The following ANKLE1 variants were observed in gnomAD, a reference collection of about 807,000 sequenced individuals.
ANKLE1 encodes the protein structure-specific endonuclease ANKLE1.
Under a neutral mutation model 56.2 loss-of-function variants are expected in ANKLE1, and 59 were observed. The observed-to-expected ratio is 1.05, with a 90% CI of 0.85 to 1.30. ANKLE1 has a LOEUF of 1.30. Ranked by LOEUF, ANKLE1 falls within the 50% of genes most tolerant of loss-of-function variation. The pLI is 0.00. For synonymous variants in ANKLE1, 341 were observed against 352.9 expected (o/e 0.97, Z 0.38); for missense variants, 771 against 816.1 (o/e 0.94, Z 0.67).
At chr19:17,284,486 C>T (rs776899468) in intron 6 of ANKLE1, among the ~76,000 whole-genome samples, 4 of 151,890 alleles carry the variant, frequency 2.6e-5, no homozygotes, top group Non-Finnish European at 5.9e-5. Context: ...CAGGTTCAAA[C>T]AATCCTCTTG....
chr19:17,286,366 T>C lies in ANKLE1; in HGVS notation c.1676-14T>C, dbSNP rs762615752. The C allele has an allele frequency of 1.3e-6, 2 of 1,540,712 alleles. No individual in the cohort carries two copies. The highest frequency in any genetic ancestry group is 3.8e-5 in the Admixed American group (2 of 52,080). On this transcript the variant is annotated splice_polypyrimidine_tract_variant and intron_variant, in intron 8 of 8. Coordinates refer to ENST00000404085, the MANE Select transcript of ANKLE1 (RefSeq NM_152363.6). ...CCATGGCTGCCCCTGTGACCCCACA[T>C]CCAATTTCTCCAGGGATCCAGACGC...
Position 17,282,086 on chromosome 19 carries a change from C to G in ANKLE1, c.92C>G (p.Ala31Gly), listed in dbSNP as rs556984905. Residue 31 changes from alanine to glycine, a missense_variant, in exon 2 of 9, where the codon GCG (alanine) becomes GGG (glycine). Ala to Gly is a moderately conservative substitution (Grantham distance 60). Transcript: ENST00000404085. ...GTAGAGGAGCTGCTGCGCTGCGGCG[C>G]GGACCCTAATTTGGTGCTAGAGGAC... Reference protein sequence around the residue: ...WAVEELLRCGADPNLVLEDGA... With the variant: ...WAVEELLRCGGDPNLVLEDGA... The G allele has an allele frequency of 3.2e-6, 5 of 1,540,546 alleles. No individual in the cohort carries two copies. The East Asian group carries it at 1.2e-4, about 38-fold the overall frequency.
rs1271007526 is a variant in ANKLE1, at chr19:17,286,530, A to G, written c.1826A>G (p.Gln609Arg). ...GAAGGCGAGCGACAGCTTCATCCCC[A>G]GGACATCCAGGCCCGGGGCTGAGTG... ...LAEGERQLHP[Q>R]DIQARG The change falls in exon 9 of 9, where the codon CAG becomes CGG. Residue 609 changes from glutamine (Q) to arginine (R), a missense_variant. Physicochemically the swap from Gln to Arg is conservative, Grantham distance 43. Transcript: ENST00000404085. 2 of 1,609,272 alleles carry G rather than the reference A, an allele frequency of 1.2e-6. No homozygotes were observed. The highest frequency in any genetic ancestry group is 1.7e-6 in the Non-Finnish European group (2 of 1,178,368).
At chr19:17,284,940 T>C (rs568784125) in intron 6 of ANKLE1, among the ~76,000 whole-genome samples, 2 of 151,936 alleles carry the variant, frequency 1.3e-5, no homozygotes, top group East Asian at 2.0e-4. Context: ...CCTCCTGCCT[T>C]GGCCTCCCAA....
intron 6 of ANKLE1, 109 bp from the exon 7 acceptor site, chr19:17,285,322 G>A (rs2074019127): frequency 7.5e-7 from 1 of 1,326,280 alleles, no homozygotes; most frequent in Non-Finnish European, 1.0e-6. Context: ...CTCTGATCCT[G>A]TAATCAGGAG....
At chr19:17,285,353 A>G (rs2074019385) in intron 6 of ANKLE1, 78 bp from the exon 7 acceptor site, 1 of 1,563,970 alleles carries the variant, frequency 6.4e-7, no homozygotes, top group South Asian at 1.1e-5. Context: ...TGGGTTCAAG[A>G]TATGTTGTGA....
In ANKLE1 at chr19:17,282,865, ACGGACTC is replaced by A; in HGVS notation, c.327_333del (p.Leu110ArgfsTer57). The A allele has an allele frequency of 6.3e-7, 1 of 1,587,826 alleles. No individual in the cohort carries two copies. The highest frequency in any genetic ancestry group is 8.5e-7 in the Non-Finnish European group (1 of 1,173,332). ...CCCCTGCTGACCGCGCCCCTGTAGGACGGACTCCGGCCGCTGGACCTGGCCCTGCAGC... is the reference window on the plus strand; with the variant it reads ...CCCCTGCTGACCGCGCCCCTGTAGGACGGCCGCTGGACCTGGCCCTGCAGC... On this transcript the variant is annotated frameshift_variant and splice_region_variant, in exon 4 of 9. Transcript: ENST00000404085. LOFTEE classifies it high-confidence loss of function.
chr19:17,283,152 T>C, intron 4 of ANKLE1, 73 bp from the exon 5 acceptor site: 1 of 1,555,194 alleles, frequency 6.4e-7, no homozygotes, highest in Non-Finnish European at 8.7e-7. Flanking sequence ...GATCTCCTTT[T>C]TCTGTTTGAT....
At position 17,286,721 on chromosome 19, in the gene ANKLE1, A is replaced by C; in HGVS notation, c.*169A>C. 1 of 1,456,112 alleles carries C rather than the reference A, an allele frequency of 6.9e-7. No homozygotes were observed. The highest frequency in any genetic ancestry group is 2.6e-5 in the East Asian group (1 of 38,702). 90.2% of individuals were successfully genotyped at this position (1,456,112 alleles called of 1,614,324 possible). A position where few individuals can be genotyped will look rare whatever the true frequency, so the allele number is the denominator to read the frequency against. On this transcript the variant is annotated 3_prime_UTR_variant, in exon 9 of 9. Coordinates refer to ENST00000404085, the MANE Select transcript of ANKLE1 (RefSeq NM_152363.6). ...GTGTGTGTGTGTGTGTGTAGGGAGC[A>C]CCCAGGCAGATCTCCCCCAGGCTGA...
At position 17,283,699 on chromosome 19, in the gene ANKLE1, C is replaced by A. The variant is rs1462194356; in HGVS notation, c.935C>A (p.Pro312His). 4 of 1,613,548 alleles carry A rather than the reference C, an allele frequency of 2.5e-6. No individual in the cohort carries two copies. Among genetic ancestry groups the A allele is most frequent in the Non-Finnish European group, 2.5e-6 (3 of 1,179,896 alleles). Residue 312 changes from proline (P) to histidine (H), a missense_variant, in exon 5 of 9, where the codon CCT (proline) becomes CAT (histidine). Physicochemically the swap from Pro to His is moderately conservative, Grantham distance 77. Coordinates refer to ENST00000404085, the MANE Select transcript of ANKLE1 (RefSeq NM_152363.6). The part of the protein sequence containing the change: ...PAHSPPRTPT[P>H]GASDCHCLWE... Reference sequence around the variant, plus strand: ...CATAGCCCCCCACGGACACCAACCCCTGGAGCTTCTGACTGCCACTGCCTG... The same window carrying A: ...CATAGCCCCCCACGGACACCAACCCATGGAGCTTCTGACTGCCACTGCCTG...
intron 6 of ANKLE1, among the ~76,000 whole-genome samples, chr19:17,284,614 C>T (rs996917839): frequency 6.6e-6 from 1 of 150,956 alleles, no homozygotes; most frequent in Non-Finnish European, 1.5e-5. Context: ...GAACTCCTGA[C>T]CTCAGGTAAT....
chr19:17,283,982 A>G lies in ANKLE1; in HGVS notation c.1198+20A>G, dbSNP rs139466646. ...CTCCTGGTTAGTCTTCCCAGGGCAC[A>G]TGGAGTCCAGGGAGCCTCCAGGAAT... On this transcript the variant is annotated intron_variant, in intron 5 of 8. Transcript: ENST00000404085. The G allele has an allele frequency of 3.1e-6, 5 of 1,595,074 alleles. No homozygotes were observed. The highest frequency in any genetic ancestry group is 2.6e-6 in the Non-Finnish European group (3 of 1,168,156).
chr19:17,284,524 C>G (rs1280270506), intron 6 of ANKLE1, among the ~76,000 whole-genome samples: 2 of 151,990 alleles, frequency 1.3e-5, no homozygotes, highest in East Asian at 1.9e-4. Context: ...GCTGGGATTA[C>G]AAGCACCTGC....
chr19:17,283,179 T>C, intron 4 of ANKLE1, 46 bp from the exon 5 acceptor site: 3 of 1,574,526 alleles, frequency 1.9e-6, no homozygotes, highest in Non-Finnish European at 2.6e-6. Context: ...CTCATCGCTG[T>C]CTCATCCCTC....
At position 17,283,779 on chromosome 19, in the gene ANKLE1, G is replaced by A. The variant is rs1321227991; in HGVS notation, c.1015G>A (p.Asp339Asn). The change falls in exon 5 of 9, where the codon GAT becomes AAT. Residue 339 changes from aspartate to asparagine, a missense_variant. By Grantham distance (23) the Asp-to-Asn change is conservative. Transcript: ENST00000404085. The part of the protein sequence containing the change: ...SDMATLWLTE[D>N]EASSTGGREP... ...CATGGCCACGCTCTGGCTGACAGAGGATGAGGCAAGCTCTACAGGTGGCAG... is the reference window on the plus strand; with the variant it reads ...CATGGCCACGCTCTGGCTGACAGAGAATGAGGCAAGCTCTACAGGTGGCAG... 3 of 1,613,572 alleles carry A rather than the reference G, an allele frequency of 1.9e-6. No homozygotes were observed. The Admixed American group carries it at 5.0e-5, about 27-fold the overall frequency.
intron 6 of ANKLE1, 129 bp from the exon 7 acceptor site, chr19:17,285,302 C>T (rs182774337): frequency 4.2e-5 from 47 of 1,128,078 alleles, no homozygotes; most frequent in Middle Eastern, 3.1e-4. Context: ...TTTGGGGAGC[C>T]GCTGACTCTC....
In ANKLE1 at chr19:17,285,299, A is replaced by T. The variant is rs541498853; in HGVS notation, c.1377-132A>T. 8.6e-5 allele frequency: 89 copies of T among 1,039,570 alleles called. No individual in the cohort carries two copies. The South Asian group carries it at 1.3e-3, about 16-fold the overall frequency. The allele number at this position is 1,039,570 out of a possible 1,614,324, so 64.4% of individuals were successfully genotyped here. A position where few individuals can be genotyped will look rare whatever the true frequency, so the allele number is the denominator to read the frequency against. ...AGAAAGCTGCTGAATGTCTTTGGGG[A>T]GCCGCTGACTCTCTCTGATCCTGTA... On this transcript the variant is annotated intron_variant, in intron 6 of 8. Transcript: ENST00000404085.
intron 7 of ANKLE1, 21 bp downstream of exon 7, chr19:17,285,611 G>A: frequency 1.2e-6 from 2 of 1,613,938 alleles, no homozygotes. Context: ...AGGGATCAGG[G>A]TTCAGCGAGG....
chr19:17,286,797 C>G lies in ANKLE1; in HGVS notation c.*245C>G, dbSNP rs185783150. The G allele has an allele frequency of 1.0e-5, 14 of 1,359,972 alleles. No homozygotes were observed. The Admixed American group carries it at 3.3e-4, about 32-fold the overall frequency. The allele number at this position is 1,359,972 out of a possible 1,614,324, so 84.2% of individuals were successfully genotyped here. On this transcript the variant is annotated 3_prime_UTR_variant, in exon 9 of 9. Coordinates refer to ENST00000404085, the MANE Select transcript of ANKLE1 (RefSeq NM_152363.6). ...TGCTGGAGAGGTAGTAAGTAGTGAG[C>G]TCCCCATCGTGGGAGGAGGACAAGA... is the stretch of plus-strand genomic sequence containing the variant.
Sources: gnomAD v4.1 joint callset for allele counts (sites outside exome capture counted in the v4.1 genomes callset) on GRCh38, gnomAD v4.1.1 for gene constraint, MANE v1.5 for transcripts, NCBI Gene and HGNC (gene_info 2026-07-23, HGNC 2026-07-21) for gene names.